Variants in LMO7 observed in about 807,000 individuals in gnomAD.
LMO7 encodes the protein LIM domain only protein 7.
A neutral mutation model predicts 206.5 loss-of-function variants in LMO7; 120 were observed. The ratio of observed to expected loss-of-function variants is 0.58; its 90% confidence interval spans 0.50 to 0.68. The LOEUF (loss-of-function observed/expected upper bound fraction) is 0.68, where lower values mean the gene tolerates loss of function less well. LMO7 is among the 30% of genes least tolerant of loss of function. The pLI is 0.00. For missense variants in LMO7, 1,959 were observed against 1,957.9 expected (o/e 1.00, Z -0.01); for synonymous variants, 706 against 681.5 (o/e 1.04, Z -0.56).
At chr13:75,821,695 G>T (rs959321252) in intron 14 of LMO7, 86 bp downstream of exon 14, 1 of 861,238 alleles carries the variant, frequency 1.2e-6, no homozygotes, top group African/African-American at 1.7e-5. Context: ...ACATCAACTT[G>T]ATGTGTAAAC....
rs565158635 is a variant in LMO7 at position 75,837,849 on chromosome 13, T to C, written c.3395-291T>C. On this transcript the variant is annotated intron_variant, in intron 19 of 30. Transcript: ENST00000377534. ...TTTCCTTTTCCCTAAAACGGCGTGA[T>C]CTAGCATGGAAGATGATACTTTGGC... Among the ~76,000 whole-genome samples the C allele has an allele frequency of 1.1e-4, 17 of 152,348 alleles. No individual in the cohort carries two copies. In the South Asian group the frequency reaches 3.5e-3, roughly 32 times the overall value.
At chr13:75,666,424 A>C (rs1024602885) in intron 1 of LMO7, among the ~76,000 whole-genome samples, 3 of 152,236 alleles carry the variant, frequency 2.0e-5, no homozygotes, top group African/African-American at 7.2e-5. Context: ...ATCTAGAAAT[A>C]GTAGAAATCT....
intron 1 of LMO7, among the ~76,000 whole-genome samples, chr13:75,706,866 T>C (rs1467194590): frequency 6.6e-6 from 1 of 152,126 alleles, no homozygotes; most frequent in East Asian, 1.9e-4. Flanking sequence ...TAAAATGCTG[T>C]TGGTTTTTGG....
intron 1 of LMO7, among the ~76,000 whole-genome samples, chr13:75,663,580 G>A (rs922768787): frequency 2.0e-5 from 3 of 151,580 alleles, no homozygotes; most frequent in African/African-American, 4.8e-5. Context: ...ACAGGCTCCC[G>A]CCACTACACC....
Position 75,821,180 on chromosome 13 carries a change from A to G in LMO7, c.2211A>G (p.Glu737=). 1 of 1,598,722 alleles carries G rather than the reference A, an allele frequency of 6.3e-7. No homozygotes were observed. The highest frequency in any genetic ancestry group is 1.1e-5 in the South Asian group (1 of 87,954). The change falls in exon 14 of 31, where the codon GAA becomes GAG. Residue 737 remains glutamate, a synonymous_variant. Coordinates refer to ENST00000377534, the MANE Select transcript of LMO7 (RefSeq NM_001306080.2). ...TGGTGCATTTCTCTCCGCTAAGGGA[A>G]TCCCAAAATCAAAAGTCTACAGTTC... The part of the protein sequence containing the change: ...KTFKEMLQDR[E]SQNQKSTVPS...
chr13:75,785,794 CTTTAT>C (rs1174992993), intron 4 of LMO7, among the ~76,000 whole-genome samples: 4 of 152,108 alleles, frequency 2.6e-5, no homozygotes, highest in African/African-American at 9.7e-5. Flanking sequence ...AATCAGGCAA[CTTTAT>C]TTTTATTCCA....
chr13:75,651,566 G>T (rs958100805), intron 1 of LMO7, among the ~76,000 whole-genome samples: 3 of 152,036 alleles, frequency 2.0e-5, no homozygotes, highest in Non-Finnish European at 4.4e-5. Flanking sequence ...TGCCTCAGCC[G>T]ATCCACCTGT....
At chr13:75,826,759 A>C (rs1447804369) in intron 15 of LMO7, among the ~76,000 whole-genome samples, 3 of 152,160 alleles carry the variant, frequency 2.0e-5, no homozygotes, top group African/African-American at 7.2e-5. Context: ...TTACTTGTCC[A>C]AGGCCGTGCA....
intron 4 of LMO7, among the ~76,000 whole-genome samples, chr13:75,780,713 A>G (rs879845101): frequency 4.1e-4 from 62 of 152,220 alleles, no homozygotes; most frequent in African/African-American, 1.5e-3. Context: ...TGTCCATGAA[A>G]TCTTCACAAT....
At chr13:75,689,473 G>T (rs927416825) in intron 1 of LMO7, among the ~76,000 whole-genome samples, 7 of 152,168 alleles carry the variant, frequency 4.6e-5, no homozygotes, top group African/African-American at 1.7e-4. Flanking sequence ...CAACTTGATG[G>T]ATTGAAGGAT....
At position 75,807,943 on chromosome 13, in the gene LMO7, C is replaced by T; in HGVS notation, c.1660C>T (p.Gln554Ter). The change falls in exon 10 of 31, where the codon CAA becomes TAA. Residue 554 changes from glutamine (Q) to a stop codon, truncating the protein, a stop_gained. Coordinates refer to ENST00000377534, the MANE Select transcript of LMO7 (RefSeq NM_001306080.2). LOFTEE classifies it high-confidence loss of function. The stretch of plus-strand genomic sequence containing the variant: ...ACCCTGGACTCTTCCTCCAGAAATT[C>T]AAGCAAAATTTCTCTGTGTACTTGA... ...PEPWTLPPEIQAKFLCVLERT... is the reference protein window; with the variant it reads ...PEPWTLPPEI 6.2e-7 allele frequency: 1 copy of T among 1,613,918 alleles called. No individual in the cohort carries two copies.
At chr13:75,639,037 C>T (rs2036249241) in intron 1 of LMO7, among the ~76,000 whole-genome samples, 1 of 152,048 alleles carries the variant, frequency 6.6e-6, no homozygotes, top group African/African-American at 2.4e-5. Context: ...ATCTGTATTA[C>T]ATATATATTC....
chr13:75,856,341 C>G (rs2060945846), intron 29 of LMO7, among the ~76,000 whole-genome samples, 165 bp from the exon 30 acceptor site: 1 of 152,050 alleles, frequency 6.6e-6, no homozygotes, highest in Non-Finnish European at 1.5e-5. Context: ...ATCTGGCGGT[C>G]TTGATTTGAA....
chr13:75,827,653 C>T (rs1029093721), intron 15 of LMO7, among the ~76,000 whole-genome samples: 4 of 152,098 alleles, frequency 2.6e-5, no homozygotes, highest in Non-Finnish European at 4.4e-5. Flanking sequence ...GTCCTTCATC[C>T]CCCCTCCGTC....
chr13:75,711,853 A>G (rs1000232638), intron 1 of LMO7, among the ~76,000 whole-genome samples: 1 of 152,162 alleles, frequency 6.6e-6, no homozygotes, highest in Admixed American at 6.5e-5. Context: ...CCCAGCATTC[A>G]GGTAATGCCT....
At chr13:75,792,111 A>C (rs1467904498) in intron 4 of LMO7, among the ~76,000 whole-genome samples, 1 of 152,014 alleles carries the variant, frequency 6.6e-6, no homozygotes, top group Non-Finnish European at 1.5e-5. Flanking sequence ...TGGAACTATA[A>C]GCATGTGCTA....
At chr13:75,746,684 G>A (rs916023508) in intron 3 of LMO7, among the ~76,000 whole-genome samples, 5 of 152,050 alleles carry the variant, frequency 3.3e-5, no homozygotes, top group African/African-American at 1.2e-4. Context: ...TTGGTCTCTT[G>A]TCATCTCCTT....
At chr13:75,720,118 T>G (rs1379647158) in intron 2 of LMO7, among the ~76,000 whole-genome samples, 1 of 152,234 alleles carries the variant, frequency 6.6e-6, no homozygotes, top group Non-Finnish European at 1.5e-5. Flanking sequence ...ATGTCCTTAT[T>G]TGTCATCTGT....
chr13:75,646,833 C>T (rs989966850), intron 1 of LMO7, among the ~76,000 whole-genome samples: 3 of 152,154 alleles, frequency 2.0e-5, no homozygotes, highest in Non-Finnish European at 2.9e-5. Flanking sequence ...GATATGTGTG[C>T]CTCAGCCTCC....
Sources: allele counts gnomAD v4.1 joint callset (sites outside exome capture counted in the v4.1 genomes callset), GRCh38; gene constraint gnomAD v4.1.1; transcripts MANE v1.5; gene names NCBI Gene and HGNC (gene_info 2026-07-23, HGNC 2026-07-21).